MTF2: variants seen among roughly 807,000 people sequenced by gnomAD.
The protein encoded by MTF2 is metal-response element-binding transcription factor 2.
A neutral mutation model predicts 79.5 loss-of-function variants in MTF2; 11 were observed. The observed-to-expected ratio is 0.14, with a 90% CI of 0.09 to 0.23. The LOEUF (loss-of-function observed/expected upper bound fraction) is 0.23, where lower values mean the gene tolerates loss of function less well. MTF2 is among the 10% of genes least tolerant of loss of function. The pLI is 1.00. For synonymous variants in MTF2, 208 were observed against 232.8 expected, an observed-to-expected ratio of 0.89 and a Z score of 0.97; for missense variants, 486 against 711.2, an observed-to-expected ratio of 0.68 and a Z score of 3.60.
chr1:93,081,207 A>C (rs1246947904), intron 1 of MTF2, among the ~76,000 whole-genome samples: 2 of 152,194 alleles, frequency 1.3e-5, no homozygotes, highest in African/African-American at 4.8e-5. Context: ...TGACACAATT[A>C]TATTTAATAG....
At chr1:93,105,926 G>A (rs181729181) in intron 1 of MTF2, among the ~76,000 whole-genome samples, 2 of 152,224 alleles carry the variant, frequency 1.3e-5, no homozygotes, top group South Asian at 2.1e-4. Flanking sequence ...TGCCCGACCC[G>A]TTCTCCCAAA....
intron 5 of MTF2, 55 bp from the exon 6 acceptor site, chr1:93,115,415 A>AAT: frequency 7.4e-7 from 1 of 1,359,596 alleles, no homozygotes; most frequent in Non-Finnish European, 9.9e-7. Flanking sequence ...AAAGTATAGA[A>AAT]TTGTGTTTAA....
rs575238252 is a variant in MTF2, at chr1:93,127,354, G to A, written c.989+55G>A. 1.7e-4 allele frequency: 188 copies of A among 1,126,524 alleles called. 1 individual carries two copies. Among genetic ancestry groups the A allele is most frequent in the Admixed American group, 9.8e-4 (56 of 57,384 alleles). 69.8% of individuals were successfully genotyped at this position (1,126,524 alleles called of 1,614,324 possible). On this transcript the variant is annotated intron_variant, in intron 10 of 14. Coordinates refer to ENST00000370298, the MANE Select transcript of MTF2 (RefSeq NM_007358.4). ...GAGGGAGACATTTAGTAAGTATAAG[G>A]AATAATGGCATTGTTTAAGAATTGT...
chr1:93,132,757 G>A (rs1178322819), intron 11 of MTF2, among the ~76,000 whole-genome samples: 1 of 151,778 alleles, frequency 6.6e-6, no homozygotes, highest in Non-Finnish European at 1.5e-5. Flanking sequence ...CTCTTTCTAG[G>A]CTATTGTATA....
intron 14 of MTF2, among the ~76,000 whole-genome samples, chr1:93,136,262 A>G (rs1046084139): frequency 6.6e-6 from 1 of 152,226 alleles, no homozygotes; most frequent in African/African-American, 2.4e-5. Flanking sequence ...CTTTAAGGAC[A>G]TGGAGCAGTG....
chr1:93,127,175 G>A (rs1420456733), intron 9 of MTF2, 57 bp from the exon 10 acceptor site: 2 of 1,193,042 alleles, frequency 1.7e-6, no homozygotes, highest in Middle Eastern at 1.9e-4. Flanking sequence ...TCTAGCACCT[G>A]TATATTACTA....
chr1:93,123,215 T>C (rs908687180), intron 9 of MTF2, among the ~76,000 whole-genome samples: 15 of 149,716 alleles, frequency 1.0e-4, no homozygotes, highest in South Asian at 2.1e-4. Context: ...TCTTTCTTTT[T>C]TTTTTTTTTT....
At chr1:93,126,632 A>C (rs755051936) in intron 9 of MTF2, among the ~76,000 whole-genome samples, 5 of 152,086 alleles carry the variant, frequency 3.3e-5, no homozygotes, top group Non-Finnish European at 5.9e-5. Context: ...TTCTAGAATT[A>C]AATATTTAGA....
intron 1 of MTF2, among the ~76,000 whole-genome samples, chr1:93,103,412 T>A (rs1655630568): frequency 6.6e-6 from 1 of 151,624 alleles, no homozygotes. Flanking sequence ...AAGATTATTT[T>A]ATGTGCTTTT....
rs984115962 is a variant in MTF2 at position 93,137,824 on chromosome 1, C to G, written c.*797C>G. The G allele has an allele frequency of 1.3e-5, 2 of 152,108 alleles. No homozygotes were observed. The highest frequency in any genetic ancestry group is 6.5e-5 in the Admixed American group (1 of 15,268). 9.4% of individuals were successfully genotyped at this position (152,108 alleles called of 1,614,324 possible). A position where few individuals can be genotyped will look rare whatever the true frequency, so the allele number is the denominator to read the frequency against. On this transcript the variant is annotated 3_prime_UTR_variant, in exon 15 of 15. Transcript: ENST00000370298. ...ATGTGTCAGACAAGTTTAGTGTGTT[C>G]TGAAGAAGGGTGTGAACAACAGTGT... is the stretch of plus-strand genomic sequence containing the variant.
At chr1:93,101,567 G>GGTTTTTTTTTTT in intron 1 of MTF2, among the ~76,000 whole-genome samples, 3 of 10,434 alleles carry the variant, frequency 2.9e-4, no homozygotes, top group African/African-American at 7.2e-4. Context: ...TGCTCAGGCT[G>GGTTTTTTTTTTT]GTTTTTTTTT....
At chr1:93,110,734 G>C (rs1655996653) in intron 3 of MTF2, 108 bp downstream of exon 3, 1 of 908,160 alleles carries the variant, frequency 1.1e-6, no homozygotes, top group African/African-American at 1.7e-5. Context: ...AGATAACTCA[G>C]TATTACTTCC....
intron 14 of MTF2, 79 bp from the exon 15 acceptor site, chr1:93,136,591 C>A (rs1327806300): frequency 1.7e-6 from 2 of 1,167,194 alleles, no homozygotes; most frequent in Non-Finnish European, 2.5e-6. Context: ...GTAGAGTAAT[C>A]CAGAAAAGAG....
intron 11 of MTF2, among the ~76,000 whole-genome samples, chr1:93,132,776 T>G (rs1177935196): frequency 6.6e-6 from 1 of 152,052 alleles, no homozygotes; most frequent in African/African-American, 2.4e-5. Flanking sequence ...TAGTGTTCTT[T>G]TTTCTCTCCT....
chr1:93,115,353 T>TA (rs2101065385), intron 5 of MTF2, 117 bp from the exon 6 acceptor site: 2 of 853,662 alleles, frequency 2.3e-6, no homozygotes, highest in South Asian at 4.8e-5. Context: ...CAGTTTGTGA[T>TA]ATGGTAAAAG....
intron 9 of MTF2, chr1:93,121,602 A>G: frequency 1.0e-6 from 1 of 976,590 alleles, no homozygotes; most frequent in Non-Finnish European, 1.2e-6. Context: ...CAGGGAGAAC[A>G]TAATGCATGA....
intron 5 of MTF2, 59 bp from the exon 6 acceptor site, chr1:93,115,411 T>A: frequency 7.6e-7 from 1 of 1,317,496 alleles, no homozygotes; most frequent in Non-Finnish European, 1.0e-6. Flanking sequence ...TTTTAAAGTA[T>A]AGAATTGTGT....
chr1:93,126,796 GTA>G (rs556381574), intron 9 of MTF2, among the ~76,000 whole-genome samples: 136 of 152,070 alleles, frequency 8.9e-4, no homozygotes, highest in African/African-American at 3.1e-3. Context: ...CTGGAAAATG[GTA>G]TGTTTCTTAC....
At chr1:93,121,027 T>C (rs1270525780) in intron 9 of MTF2, 5 of 1,032,442 alleles carry the variant, frequency 4.8e-6, no homozygotes, top group Non-Finnish European at 5.8e-6. Flanking sequence ...TTCTATAAAC[T>C]TAGAGATATA....
Sources: gnomAD v4.1 joint callset for allele counts (sites outside exome capture counted in the v4.1 genomes callset) on GRCh38, gnomAD v4.1.1 for gene constraint, MANE v1.5 for transcripts, NCBI Gene and HGNC (gene_info 2026-07-23, HGNC 2026-07-21) for gene names.